The following PDE8B variants were observed in gnomAD, a reference collection of about 807,000 sequenced individuals.
PDE8B encodes phosphodiesterase 8B.
Under a neutral mutation model 101.3 loss-of-function variants are expected in PDE8B, and 26 were observed. The ratio of observed to expected loss-of-function variants is 0.26; its 90% CI spans 0.19 to 0.36. PDE8B has a LOEUF of 0.36. PDE8B is among the 10% of genes least tolerant of loss of function. PDE8B has a pLI of 1.00. For missense variants in PDE8B, 810 were observed against 1,163.1 expected (o/e 0.70, Z 4.42); for synonymous variants, 424 against 429.3 (o/e 0.99, Z 0.15).
chr5:77,205,124 A>G, the PDE8B span, among the ~76,000 whole-genome samples: 11 of 152,240 alleles, frequency 7.2e-5, no homozygotes, highest in African/African-American at 2.6e-4. Context: ...CTTTTGTACT[A>G]TGCAGACTCA....
intron 6 of PDE8B, among the ~76,000 whole-genome samples, chr5:77,338,285 C>T (rs1231153687): frequency 6.6e-6 from 1 of 152,192 alleles, no homozygotes; most frequent in Non-Finnish European, 1.5e-5. Flanking sequence ...TAATTATCCT[C>T]CGTCCCAGGG....
chr5:77,092,115 G>T, the PDE8B span, among the ~76,000 whole-genome samples: 2 of 152,078 alleles, frequency 1.3e-5, no homozygotes, highest in Non-Finnish European at 2.9e-5. Flanking sequence ...AGTAGGATTT[G>T]GATTCCTGGC....
At chr5:77,371,988 G>T (rs748069333) in intron 10 of PDE8B, among the ~76,000 whole-genome samples, 12 of 151,970 alleles carry the variant, frequency 7.9e-5, no homozygotes, top group Non-Finnish European at 1.6e-4. Context: ...ATCACTTCAG[G>T]CCAGGAGTTT....
chr5:77,390,162 A>G (rs1164224411), intron 10 of PDE8B, among the ~76,000 whole-genome samples: 1 of 152,182 alleles, frequency 6.6e-6, no homozygotes, highest in Non-Finnish European at 1.5e-5. Context: ...TAAGAGACAA[A>G]TGACCCTGAA....
chr5:77,260,157 C>CAAAAAAAAAAAAAAGAAAAAAAAAAA, intron 1 of PDE8B, among the ~76,000 whole-genome samples: 1 of 100,982 alleles, frequency 9.9e-6, no homozygotes. Flanking sequence ...AACTCCATCA[C>CAAAAAAAAAAAAAAGAAAAAAAAAAA]AAAAAAAAAA....
At chr5:77,188,299 T>G in the PDE8B span, among the ~76,000 whole-genome samples, 2 of 152,188 alleles carry the variant, frequency 1.3e-5, no homozygotes, top group Non-Finnish European at 2.9e-5. Context: ...GGGCTTACTA[T>G]GAACATCTTT....
At chr5:77,333,123 G>A (rs955836240) in intron 5 of PDE8B, among the ~76,000 whole-genome samples, 3 of 152,176 alleles carry the variant, frequency 2.0e-5, no homozygotes, top group African/African-American at 7.2e-5. Context: ...AGTGGCTCAC[G>A]ATGCGTGATA....
At chr5:77,233,712 T>G (rs1162776957) in intron 1 of PDE8B, among the ~76,000 whole-genome samples, 1 of 149,454 alleles carries the variant, frequency 6.7e-6, no homozygotes, top group Non-Finnish European at 1.5e-5. Flanking sequence ...AGTAGACTTT[T>G]GTTGCATTAG....
chr5:77,219,286 G>T (rs528984272), intron 1 of PDE8B, among the ~76,000 whole-genome samples: 1 of 152,302 alleles, frequency 6.6e-6, no homozygotes, highest in African/African-American at 2.4e-5. Flanking sequence ...TTGGGAAAAT[G>T]ATACACTGTA....
chr5:77,253,174 T>C (rs747743993), intron 1 of PDE8B, among the ~76,000 whole-genome samples: 5 of 152,180 alleles, frequency 3.3e-5, no homozygotes, highest in Non-Finnish European at 7.4e-5. Flanking sequence ...AATACATGAA[T>C]ATATTGGTTC....
the PDE8B span, among the ~76,000 whole-genome samples, chr5:77,180,967 C>CGTGTGTGT: frequency 8.4e-3 from 1,242 of 147,626 alleles, 14 homozygotes; most frequent in African/African-American, 0.026. Context: ...GGTGTGTACA[C>CGTGTGTGT]GTGTGTGTGT....
intron 1 of PDE8B, among the ~76,000 whole-genome samples, chr5:77,228,407 G>A (rs748052448): frequency 8.5e-5 from 13 of 152,172 alleles, no homozygotes; most frequent in Non-Finnish European, 1.8e-4. Flanking sequence ...GTTCTGTAAT[G>A]CCTGAGAGAG....
At chr5:77,367,170 C>G (rs1405400207) in intron 10 of PDE8B, among the ~76,000 whole-genome samples, 1 of 152,130 alleles carries the variant, frequency 6.6e-6, no homozygotes, top group Non-Finnish European at 1.5e-5. Flanking sequence ...CACACACACA[C>G]ACACACACAC....
At chr5:77,276,927 G>A (rs891674887) in intron 1 of PDE8B, among the ~76,000 whole-genome samples, 2 of 151,888 alleles carry the variant, frequency 1.3e-5, no homozygotes, top group Non-Finnish European at 2.9e-5. Context: ...TTCCTTTACC[G>A]TAACTCTGAC....
At chr5:77,117,793 C>T in the PDE8B span, among the ~76,000 whole-genome samples, 2 of 152,068 alleles carry the variant, frequency 1.3e-5, no homozygotes, top group Non-Finnish European at 2.9e-5. Flanking sequence ...TCTTGTACTG[C>T]GATTGAAATA....
intron 17 of PDE8B, among the ~76,000 whole-genome samples, chr5:77,414,345 A>G (rs556917574): frequency 3.4e-4 from 52 of 152,322 alleles, no homozygotes; most frequent in African/African-American, 1.1e-3. Flanking sequence ...ATATCAACCT[A>G]TGTTTCTATA....
the PDE8B span, among the ~76,000 whole-genome samples, chr5:77,122,338 CG>C: frequency 6.6e-6 from 1 of 152,198 alleles, no homozygotes; most frequent in African/African-American, 2.4e-5. Flanking sequence ...TAATCAGAGT[CG>C]ATTACTCTTT....
the PDE8B span, among the ~76,000 whole-genome samples, chr5:77,172,033 C>T: frequency 3.3e-5 from 5 of 152,194 alleles, no homozygotes; most frequent in Non-Finnish European, 5.9e-5. Context: ...AAACTACAGT[C>T]AGCCTTCATT....
intron 7 of PDE8B, among the ~76,000 whole-genome samples, chr5:77,348,027 C>A (rs1157803291): frequency 6.6e-6 from 1 of 152,132 alleles, no homozygotes; most frequent in Non-Finnish European, 1.5e-5. Flanking sequence ...ATCAGGCCTC[C>A]TTCTCTTCAG....
Sources: allele counts gnomAD v4.1 joint callset (sites outside exome capture counted in the v4.1 genomes callset), GRCh38; gene constraint gnomAD v4.1.1; transcripts MANE v1.5; gene names NCBI Gene and HGNC (gene_info 2026-07-23, HGNC 2026-07-21).